ZDHHC24: variants seen among roughly 807,000 people sequenced by gnomAD.
ZDHHC24 encodes zDHHC palmitoyltransferase 24.
ZDHHC24 carries 17 observed loss-of-function variants against 23.2 expected under a neutral mutation model. That is an observed-to-expected ratio of 0.73 (90% CI 0.50 to 1.10). The LOEUF (loss-of-function observed/expected upper bound fraction) is 1.10. ZDHHC24 is among the 50% of genes least tolerant of loss of function. The pLI, the probability that ZDHHC24 is intolerant of heterozygous loss-of-function variation, is 0.00. For synonymous variants in ZDHHC24, 186 were observed against 194.5 expected (o/e 0.96, Z 0.36); for missense variants, 366 against 393.0 (o/e 0.93, Z 0.58).
chr11:66,521,023 G>A (rs1029020278), downstream of ZDHHC24: 9 of 524,740 alleles, frequency 1.7e-5, no homozygotes, highest in South Asian at 1.2e-4. Flanking sequence ...CCAGCTGCAC[G>A]GTTGTTTAAG....
chr11:66,544,913 T>C (rs914799040), intron 1 of ZDHHC24, among the ~76,000 whole-genome samples: 2 of 152,188 alleles, frequency 1.3e-5, no homozygotes, highest in African/African-American at 2.4e-5. Flanking sequence ...CAGTTGTATA[T>C]ACTTATGGGA....
chr11:66,530,404 A>G (rs898528348), intron 2 of ZDHHC24, among the ~76,000 whole-genome samples: 1 of 151,992 alleles, frequency 6.6e-6, no homozygotes, highest in African/African-American at 2.4e-5. Flanking sequence ...GGAACCCCGC[A>G]AGGCTCAGAC....
chr11:66,538,651 A>T lies in ZDHHC24; in HGVS notation c.*878T>A, dbSNP rs914641068. 2 of 152,172 alleles carry T rather than the reference A, an allele frequency of 1.3e-5. No individual in the cohort carries two copies. Among genetic ancestry groups the T allele is most frequent in the Admixed American group, 1.3e-4 (2 of 15,278 alleles). 9.4% of individuals were successfully genotyped at this position (152,172 alleles called of 1,614,324 possible). Reference sequence around the variant, plus strand: ...TTTACTATCATCTTAGAGAGATCCTAAGAGAAAACTGAGACGAACACATGT... The same window carrying T: ...TTTACTATCATCTTAGAGAGATCCTTAGAGAAAACTGAGACGAACACATGT... On this transcript the variant is annotated 3_prime_UTR_variant, in exon 3 of 3. Transcript: ENST00000310442.
At chr11:66,534,954 G>A (rs771239198), downstream of ZDHHC24, among the ~76,000 whole-genome samples, 21 of 152,114 alleles carry the variant, frequency 1.4e-4, no homozygotes, top group Admixed American at 7.9e-4. Flanking sequence ...GTGTGCTGGC[G>A]TGATCTCGGC....
At chr11:66,539,849 C>T in intron 2 of ZDHHC24, 25 bp from the exon 3 acceptor site, 1 of 1,547,792 alleles carries the variant, frequency 6.5e-7, no homozygotes, top group Admixed American at 1.9e-5. Context: ...CAGAGAGGGT[C>T]AGGGAGGGGC....
chr11:66,531,081 C>T (rs1856760762), downstream of ZDHHC24: 1 of 1,609,556 alleles, frequency 6.2e-7, no homozygotes, highest in Non-Finnish European at 8.5e-7. Context: ...GGGCAGGGGC[C>T]TGATGAGATG....
chr11:66,530,508 C>A (rs1037197706), intron 2 of ZDHHC24, among the ~76,000 whole-genome samples: 1 of 152,130 alleles, frequency 6.6e-6, no homozygotes, highest in Non-Finnish European at 1.5e-5. Flanking sequence ...GTTCTCTTTT[C>A]CTAAAGAGTG....
chr11:66,543,791 C>G lies in ZDHHC24; in HGVS notation c.472G>C (p.Gly158Arg). The change falls in exon 2 of 3, where the codon GGC becomes CGC. Residue 158 changes from glycine to arginine, a missense_variant. Physicochemically the swap from Gly to Arg is moderately radical, Grantham distance 125 (BLOSUM62 -2). Transcript: ENST00000310442. ...GVLLHVSVLL[G>R]PALSALLRAH... ...CGCAGCAGGGCCGACAGTGCAGGGC[C>G]CAGCAGCACAGAGACGTGGAGCAGG... The G allele has an allele frequency of 6.2e-7, 1 of 1,612,598 alleles. No individual in the cohort carries two copies. The highest frequency in any genetic ancestry group is 8.5e-7 in the Non-Finnish European group (1 of 1,179,342).
At chr11:66,530,903 C>T (rs1856750943), downstream of ZDHHC24, 1 of 1,614,238 alleles carries the variant, frequency 6.2e-7, no homozygotes, top group South Asian at 1.1e-5. Context: ...GGTTCAGGGC[C>T]TTGGCCCCAC....
In ZDHHC24 at chr11:66,538,625, C is replaced by T. The variant is rs964032165; in HGVS notation, c.*904G>A. 2.0e-5 allele frequency: 3 copies of T among 152,152 alleles called. No individual in the cohort carries two copies. Among genetic ancestry groups the T allele is most frequent in the Non-Finnish European group, 4.4e-5 (3 of 68,028 alleles). 9.4% of individuals were successfully genotyped at this position (152,152 alleles called of 1,614,324 possible). A position where few individuals can be genotyped will look rare whatever the true frequency, so the allele number is the denominator to read the frequency against. ...TTCCCTTTGTATTATTTTTGATTTT[C>T]TTTACTATCATCTTAGAGAGATCCT... On this transcript the variant is annotated 3_prime_UTR_variant, in exon 3 of 3. Transcript: ENST00000310442.
At chr11:66,542,978 GTGACTACCC>G (rs1857195169) in intron 2 of ZDHHC24, 1 of 152,570 alleles carries the variant, frequency 6.6e-6, no homozygotes, top group Admixed American at 6.5e-5. Context: ...AGGAGGCACA[GTGACTACCC>G]GGAGTAGCCG....
intron 4 of ZDHHC24, among the ~76,000 whole-genome samples, chr11:66,521,952 C>T (rs1204178918): frequency 1.3e-5 from 2 of 150,250 alleles, no homozygotes; most frequent in African/African-American, 2.5e-5. Context: ...GGTGCATTGC[C>T]TCACGCCTGT....
intron 2 of ZDHHC24, among the ~76,000 whole-genome samples, chr11:66,530,181 G>A (rs1048535974): frequency 3.3e-5 from 5 of 152,066 alleles, no homozygotes; most frequent in Admixed American, 1.3e-4. Flanking sequence ...TGGCCATGCC[G>A]TGGGACACTC....
In ZDHHC24 at chr11:66,526,665, C is replaced by T. The variant is rs774005906; in HGVS notation, c.*21+271G>A. 5.6e-6 allele frequency: 9 copies of T among 1,614,086 alleles called. No homozygotes were observed. The Admixed American group carries it at 1.5e-4, about 27-fold the overall frequency. ...CTTCCCTAGGTGGTGGCCTGATCAT[C>T]AAGATCCTGAAGCGTACAGCAGTGT... is the stretch of plus-strand genomic sequence containing the variant. On this transcript the variant is annotated intron_variant, in intron 4 of 4. Coordinates refer to the ZDHHC24 transcript ENST00000526986.
chr11:66,535,909 A>G lies in ZDHHC24; in HGVS notation c.*3620T>C, dbSNP rs1407033603. 1 of 152,180 alleles carries G rather than the reference A, an allele frequency of 6.6e-6. No homozygotes were observed. The highest frequency in any genetic ancestry group is 2.4e-5 in the African/African-American group (1 of 41,444). The allele number at this position is 152,180 out of a possible 1,614,324, so 9.4% of individuals were successfully genotyped here. On this transcript the variant is annotated 3_prime_UTR_variant, in exon 3 of 3. Transcript: ENST00000310442. Reference sequence around the variant, plus strand: ...CCAGTGGAACCACATAGAAAAATCAATTATTGTATTTTCAATGGATCACTA... The same window carrying G: ...CCAGTGGAACCACATAGAAAAATCAGTTATTGTATTTTCAATGGATCACTA...
chr11:66,545,700 G>C lies in ZDHHC24; in HGVS notation c.281+23C>G. On this transcript the variant is annotated intron_variant, in intron 1 of 2. Coordinates refer to ENST00000310442, the MANE Select transcript of ZDHHC24 (RefSeq NM_207340.3). This position sits in a 1 kb window ranked among gnomAD's most constrained non-coding sequence, Gnocchi z 4.5. ...CTGTCCAAGGCTCCCACTTCTCCCC[G>C]CCCGATCCCGCACCCCACTCACGCC... is the stretch of plus-strand genomic sequence containing the variant. 1 of 1,488,228 alleles carries C rather than the reference G, an allele frequency of 6.7e-7. No homozygotes were observed. Among genetic ancestry groups the C allele is most frequent in the Non-Finnish European group, 8.9e-7 (1 of 1,123,924 alleles). 92.2% of individuals were successfully genotyped at this position (1,488,228 alleles called of 1,614,324 possible).
chr11:66,530,005 G>GC (rs1449218278), intron 2 of ZDHHC24: 4 of 1,561,688 alleles, frequency 2.6e-6, no homozygotes, highest in Non-Finnish European at 3.4e-6. Flanking sequence ...AGGCCAGGAT[G>GC]CGCAGGAACC....
chr11:66,527,996 C>T (rs753574469), intron 3 of ZDHHC24, among the ~76,000 whole-genome samples: 1 of 151,890 alleles, frequency 6.6e-6, no homozygotes, highest in African/African-American at 2.4e-5. Context: ...TTTGGGAGGC[C>T]GAGGCAGGCA....
chr11:66,522,345 T>A (rs546201569), intron 4 of ZDHHC24, among the ~76,000 whole-genome samples: 18 of 152,048 alleles, frequency 1.2e-4, no homozygotes, highest in East Asian at 3.9e-4. Flanking sequence ...GCTTTTTTTT[T>A]TTTTTATTTT....
Sources: gnomAD v4.1 joint callset for allele counts (sites outside exome capture counted in the v4.1 genomes callset) on GRCh38, gnomAD v4.1.1 for gene constraint, Gnocchi (gnomAD v3.1) non-coding constraint, MANE v1.5 for transcripts, NCBI Gene and HGNC (gene_info 2026-07-23, HGNC 2026-07-21) for gene names.